Variants in PDE1A observed in about 807,000 individuals in gnomAD.
PDE1A encodes the protein phosphodiesterase 1A, also known as dual specificity calcium/calmodulin-dependent 3',5'-cyclic nucleotide phosphodiesterase 1A.
Under a neutral mutation model 61.7 loss-of-function variants are expected in PDE1A, and 35 were observed. That is an observed-to-expected ratio of 0.57 (90% CI 0.43 to 0.75). PDE1A has a LOEUF of 0.75. Ranked by LOEUF, PDE1A falls within the 30% of genes least tolerant of loss-of-function variation. The probability of loss-of-function intolerance (pLI) is 0.00; values close to 1 mark genes in which losing one functional copy is unlikely to be tolerated. For synonymous variants in PDE1A, 232 were observed against 213.2 expected (o/e 1.09, Z -0.77); for missense variants, 597 against 630.6 (o/e 0.95, Z 0.57).
chr2:182,478,105 C>T (rs913040086), intron 2 of PDE1A, among the ~76,000 whole-genome samples: 5 of 151,824 alleles, frequency 3.3e-5, no homozygotes, highest in African/African-American at 9.7e-5. Flanking sequence ...TATACACCAA[C>T]GTGAAAACGA....
intron 2 of PDE1A, among the ~76,000 whole-genome samples, chr2:182,467,092 G>T (rs1446983038): frequency 4.0e-5 from 6 of 148,846 alleles, no homozygotes; most frequent in Non-Finnish European, 3.0e-5. Context: ...TAAAGGAAAA[G>T]AAAAGATGGA....
chr2:182,701,457 T>A, the PDE1A span, among the ~76,000 whole-genome samples: 1 of 123,188 alleles, frequency 8.1e-6, no homozygotes, highest in Non-Finnish European at 1.9e-5. Flanking sequence ...CTCAGCTCAA[T>A]GCAACTTGCA....
the PDE1A span, among the ~76,000 whole-genome samples, chr2:182,710,007 C>T: frequency 6.6e-6 from 1 of 152,278 alleles, no homozygotes; most frequent in East Asian, 1.9e-4. Context: ...AGTGATTCTC[C>T]TGCCTCAGAC....
At chr2:182,470,344 T>C (rs757462247) in intron 2 of PDE1A, among the ~76,000 whole-genome samples, 1 of 152,002 alleles carries the variant, frequency 6.6e-6, no homozygotes, top group Non-Finnish European at 1.5e-5. Flanking sequence ...AAACTACAGC[T>C]AACATCAAAC....
the PDE1A span, among the ~76,000 whole-genome samples, chr2:182,619,636 A>G: frequency 6.6e-6 from 1 of 152,306 alleles, no homozygotes; most frequent in East Asian, 1.9e-4. Context: ...TGAATTACCT[A>G]TTAAATAGGA....
the PDE1A span, among the ~76,000 whole-genome samples, chr2:182,611,886 G>A: frequency 6.6e-6 from 1 of 152,154 alleles, no homozygotes; most frequent in African/African-American, 2.4e-5. Flanking sequence ...GAAGATGTTT[G>A]GTCAAATAAC....
chr2:182,687,917 A>C, the PDE1A span, among the ~76,000 whole-genome samples: 1 of 152,348 alleles, frequency 6.6e-6, no homozygotes, highest in South Asian at 2.1e-4. Context: ...CAACTGGAAA[A>C]AAGGGTATCA....
the PDE1A span, among the ~76,000 whole-genome samples, chr2:182,650,323 A>G: frequency 1.3e-5 from 2 of 152,232 alleles, no homozygotes; most frequent in East Asian, 3.8e-4. Flanking sequence ...TGGGCTAAAT[A>G]AAATCCCAGG....
intron 8 of PDE1A, 21 bp downstream of exon 8, chr2:182,205,919 T>G: frequency 6.3e-7 from 1 of 1,589,310 alleles, no homozygotes; most frequent in Non-Finnish European, 8.6e-7. Flanking sequence ...AAATTTCCTC[T>G]AGGTTTTCTC....
chr2:182,262,977 G>GTGTGTGTA (rs1692334587), intron 2 of PDE1A, among the ~76,000 whole-genome samples: 1 of 151,978 alleles, frequency 6.6e-6, no homozygotes, highest in Non-Finnish European at 1.5e-5. Context: ...GTGTGTGTGT[G>GTGTGTGTA]TGTGTGTGTG....
At chr2:182,672,983 G>A in the PDE1A span, among the ~76,000 whole-genome samples, 1 of 152,118 alleles carries the variant, frequency 6.6e-6, no homozygotes, top group African/African-American at 2.4e-5. Flanking sequence ...GTGACTCATA[G>A]ACTTGGCATT....
chr2:182,474,021 G>A (rs1687202972), intron 2 of PDE1A, among the ~76,000 whole-genome samples: 1 of 151,970 alleles, frequency 6.6e-6, no homozygotes, highest in Non-Finnish European at 1.5e-5. Context: ...GGGTTGCTGT[G>A]TCAAATCGTA....
intron 2 of PDE1A, among the ~76,000 whole-genome samples, chr2:182,475,607 T>A (rs1687305153): frequency 1.3e-5 from 2 of 151,964 alleles, no homozygotes; most frequent in Admixed American, 6.6e-5. Flanking sequence ...ACTGAAATTA[T>A]CTCTTAGGAA....
downstream of PDE1A, among the ~76,000 whole-genome samples, chr2:182,164,764 T>G (rs1296010983): frequency 6.6e-6 from 1 of 152,154 alleles, no homozygotes; most frequent in African/African-American, 2.4e-5. Flanking sequence ...GCAGATTGAT[T>G]CCATTAGACT....
At chr2:182,273,405 T>C (rs954102155) in intron 1 of PDE1A, among the ~76,000 whole-genome samples, 1 of 151,766 alleles carries the variant, frequency 6.6e-6, no homozygotes, top group African/African-American at 2.4e-5. Context: ...GATGTTGAGA[T>C]ACAGTTCTAG....
chr2:182,652,761 A>G, the PDE1A span, among the ~76,000 whole-genome samples: 419 of 152,286 alleles, frequency 2.8e-3, 6 homozygotes, highest in East Asian at 0.023. Flanking sequence ...TACCCAAATC[A>G]TAATTCATAT....
intron 12 of PDE1A, 54 bp downstream of exon 12, chr2:182,186,412 AAG>A: frequency 1.3e-6 from 2 of 1,561,798 alleles, no homozygotes; most frequent in Non-Finnish European, 1.7e-6. Context: ...TCATTAAGGA[AAG>A]TGTTACTAAA....
At chr2:182,423,447 T>C (rs1703406601) in intron 1 of PDE1A, among the ~76,000 whole-genome samples, 1 of 152,176 alleles carries the variant, frequency 6.6e-6, no homozygotes, top group South Asian at 2.1e-4. Flanking sequence ...ATTTCAACGT[T>C]CACCATCTAC....
At chr2:182,408,512 C>A (rs982734025) in intron 1 of PDE1A, among the ~76,000 whole-genome samples, 1 of 152,150 alleles carries the variant, frequency 6.6e-6, no homozygotes, top group African/African-American at 2.4e-5. Context: ...TTAGCCATGG[C>A]CCTGACCTAT....
Sources: allele counts gnomAD v4.1 joint callset (sites outside exome capture counted in the v4.1 genomes callset), GRCh38; gene constraint gnomAD v4.1.1; transcripts MANE v1.5; gene names NCBI Gene and HGNC (gene_info 2026-07-23, HGNC 2026-07-21).